Variants in DOCK3 observed in about 807,000 individuals in gnomAD.
DOCK3 encodes the protein dedicator of cytokinesis protein 3.
Under a neutral mutation model 265.6 loss-of-function variants are expected in DOCK3, and 60 were observed. The observed-to-expected ratio is 0.23, with a 90% CI of 0.18 to 0.28. The LOEUF (loss-of-function observed/expected upper bound fraction) is 0.28. Among genes scored for constraint, DOCK3 ranks in the 10% least tolerant of loss-of-function variants. The pLI, the probability that DOCK3 is intolerant of heterozygous loss-of-function variation, is 1.00. For synonymous variants in DOCK3, 881 were observed against 938.0 expected (o/e 0.94, Z 1.11); for missense variants, 1,981 against 2,594.3 (o/e 0.76, Z 5.14).
intron 5 of DOCK3, among the ~76,000 whole-genome samples, chr3:50,989,077 A>G (rs1292973577): frequency 1.3e-5 from 2 of 152,132 alleles, no homozygotes; most frequent in African/African-American, 2.4e-5. Flanking sequence ...CCAAGAAGAA[A>G]AGGCTGGTCT....
chr3:51,349,326 T>C (rs2085812580), intron 39 of DOCK3, among the ~76,000 whole-genome samples: 1 of 152,256 alleles, frequency 6.6e-6, no homozygotes, highest in South Asian at 2.1e-4. Flanking sequence ...AAGCATGTTG[T>C]ACTTGCTGCC....
At chr3:50,823,479 G>C (rs1344914715) in intron 2 of DOCK3, among the ~76,000 whole-genome samples, 1 of 152,182 alleles carries the variant, frequency 6.6e-6, no homozygotes. Flanking sequence ...GCACAGGGTT[G>C]GGGGTAAGGT....
At chr3:50,757,741 T>C (rs535225891) in intron 1 of DOCK3, among the ~76,000 whole-genome samples, 2 of 152,314 alleles carry the variant, frequency 1.3e-5, no homozygotes, top group South Asian at 4.1e-4. Flanking sequence ...GTAGTTTAGC[T>C]CTTACATTTA....
In DOCK3 at chr3:51,374,530, A is replaced by G. The variant is rs754947395; in HGVS notation, c.5355A>G (p.Thr1785=). The change falls in exon 50 of 53, where the codon ACA becomes ACG. Residue 1785 remains threonine, a synonymous_variant. Coordinates refer to ENST00000266037, the MANE Select transcript of DOCK3 (RefSeq NM_004947.5). The surrounding 1 kb of genome is among the most constrained non-coding windows in gnomAD (Gnocchi z 4.8). ...GTGAAATGATGTTGTTGCTGCCCAC[A>G]TACCGGGACCGCCCAAGCAGTGCCA... ...HAREMMLLLP[T]YRDRPSSAMY... is the part of the protein sequence containing the mutation. The G allele has an allele frequency of 6.2e-7, 1 of 1,613,896 alleles. No homozygotes were observed.
intron 14 of DOCK3, among the ~76,000 whole-genome samples, chr3:51,219,290 G>A (rs1050237225): frequency 1.3e-5 from 2 of 152,154 alleles, no homozygotes; most frequent in Non-Finnish European, 2.9e-5. Context: ...ATAGTTGGGT[G>A]TAAGTTCTGT....
chr3:50,757,947 G>A (rs1024301448), intron 1 of DOCK3, among the ~76,000 whole-genome samples: 5 of 151,776 alleles, frequency 3.3e-5, no homozygotes, highest in East Asian at 1.9e-4. Flanking sequence ...AGGCTGAGGC[G>A]GGCAGATCAC....
intron 8 of DOCK3, 53 bp from the exon 9 acceptor site, chr3:51,090,177 A>G: frequency 6.7e-7 from 1 of 1,482,256 alleles, no homozygotes; most frequent in South Asian, 1.4e-5. Context: ...TTTAATGATC[A>G]ATATAAAAAA....
At chr3:51,231,150 A>T (rs1440622266) in intron 19 of DOCK3, among the ~76,000 whole-genome samples, 1 of 76,632 alleles carries the variant, frequency 1.3e-5, no homozygotes, top group Admixed American at 1.7e-4. Context: ...TTTTTTTGAG[A>T]CGGAGTCTTG....
intron 2 of DOCK3, among the ~76,000 whole-genome samples, chr3:50,827,134 G>C (rs1173381313): frequency 1.3e-5 from 2 of 152,156 alleles, no homozygotes; most frequent in South Asian, 4.1e-4. Flanking sequence ...ATGTAAAAAG[G>C]ACCAGGAATC....
chr3:51,338,847 C>T (rs2085046739), intron 36 of DOCK3, 88 bp from the exon 37 acceptor site: 1 of 1,154,108 alleles, frequency 8.7e-7, no homozygotes, highest in Admixed American at 2.0e-5. Flanking sequence ...CCCTCCTGCC[C>T]AGCACACCCA....
Position 51,229,580 on chromosome 3 carries a change from C to A in DOCK3, c.1888C>A (p.Arg630=), listed in dbSNP as rs752734538. ...GATCATGGATGTACTAGGGCGGCTGCGGCATGTCAGTGGGGAGGAAATTGT... is the reference window on the plus strand; with the variant it reads ...GATCATGGATGTACTAGGGCGGCTGAGGCATGTCAGTGGGGAGGAAATTGT... The part of the protein sequence containing the change: ...DRIMDVLGRL[R]HVSGEEIVKF... Residue 630 remains arginine, a synonymous_variant, in exon 19 of 53, where the codon CGG becomes AGG. Transcript: ENST00000266037. 3 of 1,605,496 alleles carry A rather than the reference C, an allele frequency of 1.9e-6. No homozygotes were observed. The highest frequency in any genetic ancestry group is 2.7e-5 in the African/African-American group (2 of 74,556).
intron 10 of DOCK3, among the ~76,000 whole-genome samples, chr3:51,147,920 T>C (rs2085382315): frequency 6.6e-6 from 1 of 152,210 alleles, no homozygotes; most frequent in Admixed American, 6.5e-5. Context: ...CGCCACACTA[T>C]CTTCCACAAT....
At chr3:50,946,564 C>T (rs531877965) in intron 5 of DOCK3, among the ~76,000 whole-genome samples, 1 of 152,266 alleles carries the variant, frequency 6.6e-6, no homozygotes, top group South Asian at 2.1e-4. Flanking sequence ...TAAAAGATCT[C>T]AGAACTGTTT....
intron 40 of DOCK3, among the ~76,000 whole-genome samples, chr3:51,351,247 C>T (rs79312973): frequency 0.031 from 4,743 of 152,258 alleles, 111 homozygotes; most frequent in Non-Finnish European, 0.05. Context: ...ACCCCCAGTT[C>T]CAATATCTTT....
rs200474121 is a variant in DOCK3 at position 50,842,830 on chromosome 3, A to C, written c.162+1115A>C. 3.9e-5 allele frequency among the ~76,000 whole-genome samples: 6 copies of C among 152,278 alleles called. No individual in the cohort carries two copies. In the East Asian group the frequency reaches 1.2e-3, roughly 29 times the overall value. ...CTTGTGGTTTATTTTTTAAATTTTG[A>C]TTTAAAATTGTTGAAAAGTTAGAAC... On this transcript the variant is annotated intron_variant, in intron 3 of 52. Coordinates refer to ENST00000266037, the MANE Select transcript of DOCK3 (RefSeq NM_004947.5).
intron 5 of DOCK3, among the ~76,000 whole-genome samples, chr3:50,938,752 T>A (rs1255798249): frequency 6.6e-6 from 1 of 151,886 alleles, no homozygotes; most frequent in Admixed American, 6.6e-5. Context: ...GCAAAAGCAT[T>A]GTTGAAAGGG....
At chr3:51,172,359 TG>T (rs2086725806) in intron 12 of DOCK3, among the ~76,000 whole-genome samples, 1 of 151,936 alleles carries the variant, frequency 6.6e-6, no homozygotes, top group South Asian at 2.1e-4. Flanking sequence ...GTATTTTTAG[TG>T]AGAGATGGGG....
intron 12 of DOCK3, among the ~76,000 whole-genome samples, chr3:51,189,410 C>T (rs1342690113): frequency 6.6e-6 from 1 of 151,264 alleles, no homozygotes; most frequent in South Asian, 2.1e-4. Flanking sequence ...TTCCTCATCT[C>T]TCTCCCACCC....
At chr3:50,857,179 T>C (rs574593579) in intron 3 of DOCK3, among the ~76,000 whole-genome samples, 2 of 152,286 alleles carry the variant, frequency 1.3e-5, no homozygotes, top group Admixed American at 1.3e-4. Context: ...AGGATGATAA[T>C]GGTTTAGTAG....
Sources: gnomAD v4.1 joint callset for allele counts (sites outside exome capture counted in the v4.1 genomes callset) on GRCh38, gnomAD v4.1.1 for gene constraint, Gnocchi (gnomAD v3.1) non-coding constraint, MANE v1.5 for transcripts, NCBI Gene and HGNC (gene_info 2026-07-23, HGNC 2026-07-21) for gene names.